Variants in GNAO1 observed in about 807,000 individuals in gnomAD.
The protein encoded by GNAO1 is G protein subunit alpha o1.
For synonymous variants in GNAO1, 164 were observed against 180.7 expected, an observed-to-expected ratio of 0.91 and a Z score of 0.74; for missense variants, 166 against 478.7, an observed-to-expected ratio of 0.35 and a Z score of 6.10.
intron 6 of GNAO1, among the ~76,000 whole-genome samples, chr16:56,338,048 T>C (rs1400311835): frequency 6.6e-6 from 1 of 152,214 alleles, no homozygotes; most frequent in Non-Finnish European, 1.5e-5. Context: ...TGGGTCTGTT[T>C]CCTCGTCATT....
chr16:56,347,836 G>T (rs1387032267), intron 6 of GNAO1: 2 of 978,094 alleles, frequency 2.0e-6, no homozygotes, highest in Non-Finnish European at 1.2e-6. Flanking sequence ...GCTCTGGGCA[G>T]CCAGGCCCTC....
At chr16:56,246,920 C>T (rs1250794457) in intron 2 of GNAO1, among the ~76,000 whole-genome samples, 3 of 152,216 alleles carry the variant, frequency 2.0e-5, no homozygotes, top group East Asian at 3.8e-4. Flanking sequence ...TATGTAATGC[C>T]TTGTACATGC....
intron 3 of GNAO1, among the ~76,000 whole-genome samples, chr16:56,306,648 T>G (rs749303193): frequency 1.3e-5 from 2 of 152,172 alleles, no homozygotes; most frequent in Non-Finnish European, 2.9e-5. Context: ...GGAAATGTCC[T>G]AGAGAAACTA....
intron 4 of GNAO1, 89 bp downstream of exon 4, chr16:56,328,880 G>T (rs2143647592): frequency 7.2e-7 from 1 of 1,384,946 alleles, no homozygotes. Context: ...GAGCAAGGAG[G>T]ATTCTCGGCT....
intron 2 of GNAO1, among the ~76,000 whole-genome samples, chr16:56,268,072 C>A (rs1424618655): frequency 6.6e-6 from 1 of 152,202 alleles, no homozygotes; most frequent in African/African-American, 2.4e-5. Flanking sequence ...AATGGAAAGG[C>A]CTCTGGGGGT....
chr16:56,282,111 C>CGG, intron 3 of GNAO1, among the ~76,000 whole-genome samples: 1 of 151,870 alleles, frequency 6.6e-6, no homozygotes, highest in South Asian at 2.1e-4. Flanking sequence ...GAGTGTAGAT[C>CGG]CTGTTCCTCT....
intron 2 of GNAO1, among the ~76,000 whole-genome samples, chr16:56,212,373 C>T (rs531430898): frequency 2.0e-5 from 3 of 152,312 alleles, no homozygotes; most frequent in East Asian, 1.9e-4. Flanking sequence ...CTCCTCCACC[C>T]GCAATGGTCC....
intron 3 of GNAO1, among the ~76,000 whole-genome samples, chr16:56,297,524 TG>T (rs1486458758): frequency 8.3e-5 from 2 of 24,194 alleles, no homozygotes; most frequent in Non-Finnish European, 1.8e-4. Flanking sequence ...GTCTAACTGG[TG>T]TGTGTGTGTG....
intron 2 of GNAO1, among the ~76,000 whole-genome samples, chr16:56,199,487 A>G (rs2143295767): frequency 6.6e-6 from 1 of 152,326 alleles, no homozygotes; most frequent in South Asian, 2.1e-4. Context: ...ATGGCTGCAT[A>G]TGAAGAAACT....
rs2036829043 is a variant in GNAO1, at chr16:56,254,569, A to G, written c.162-21362A>G. 2.0e-5 allele frequency among the ~76,000 whole-genome samples: 3 copies of G among 152,018 alleles called. 1 individual carries two copies. The Middle Eastern group carries it at 0.01, about 517-fold the overall frequency. On this transcript the variant is annotated intron_variant, in intron 2 of 8. Transcript: ENST00000262493. ...AACATTTCTGTATACCTTTATTTTA[A>G]TCAGTTTTCTTATAAACAGCATGCA... is the stretch of plus-strand genomic sequence containing the variant.
In GNAO1 at chr16:56,278,453, G is replaced by A. The variant is rs560463934; in HGVS notation, c.303+2381G>A. On this transcript the variant is annotated intron_variant, in intron 3 of 8. Coordinates refer to ENST00000262493, the MANE Select transcript of GNAO1 (RefSeq NM_020988.3). The stretch of plus-strand genomic sequence containing the variant: ...CCAGACAACTGGAAAAGGCGTTCCC[G>A]GGAGTGGGCTGGTGTGGATTCGCAG... 1.1e-4 allele frequency among the ~76,000 whole-genome samples: 17 copies of A among 152,306 alleles called. No homozygotes were observed. The Middle Eastern group carries it at 0.01, about 91-fold the overall frequency.
intron 2 of GNAO1, among the ~76,000 whole-genome samples, chr16:56,205,334 C>T (rs1567437352): frequency 1.3e-5 from 2 of 152,202 alleles, no homozygotes; most frequent in Non-Finnish European, 2.9e-5. Flanking sequence ...TCTGAGCTGG[C>T]TGTGTGCAGG....
At chr16:56,341,889 G>C (rs537753046) in intron 6 of GNAO1, among the ~76,000 whole-genome samples, 6 of 152,322 alleles carry the variant, frequency 3.9e-5, no homozygotes, top group East Asian at 1.9e-4. Context: ...CCCTCAGCCC[G>C]ACCTGCCCTG....
In GNAO1 at chr16:56,326,455, A is replaced by C. The variant is rs1303533692; in HGVS notation, c.304-2176A>C. Among the ~76,000 whole-genome samples the C allele has an allele frequency of 1.3e-5, 2 of 152,208 alleles. No individual in the cohort carries two copies. The highest frequency in any genetic ancestry group is 3.9e-4 in the East Asian group (2 of 5,190). On this transcript the variant is annotated intron_variant, in intron 3 of 8. Coordinates refer to ENST00000262493, the MANE Select transcript of GNAO1 (RefSeq NM_020988.3). This position sits in a 1 kb window ranked among gnomAD's most constrained non-coding sequence, Gnocchi z 4.8. ...GAGGTTTAGGTTCCTTTAGAAGCTT[A>C]TCTGAGAAAAGGATTTGGGTGAGAC...
At chr16:56,219,893 T>C (rs926558656) in intron 2 of GNAO1, among the ~76,000 whole-genome samples, 2 of 152,140 alleles carry the variant, frequency 1.3e-5, no homozygotes, top group Non-Finnish European at 2.9e-5. Context: ...GGTTCTGGAC[T>C]CTCTAAAGTC....
At chr16:56,347,654 C>T in intron 6 of GNAO1, 1 of 985,892 alleles carries the variant, frequency 1.0e-6, no homozygotes, top group Non-Finnish European at 1.2e-6. Context: ...CTCTCATCCC[C>T]AGGCCCAGTG....
chr16:56,239,289 A>G (rs1390427398), intron 2 of GNAO1, among the ~76,000 whole-genome samples: 1 of 152,266 alleles, frequency 6.6e-6, no homozygotes, highest in Non-Finnish European at 1.5e-5. Context: ...CATGAAAACC[A>G]TGCAAAGTTG....
At chr16:56,233,376 G>A (rs1009058640) in intron 2 of GNAO1, among the ~76,000 whole-genome samples, 8 of 152,182 alleles carry the variant, frequency 5.3e-5, no homozygotes, top group Non-Finnish European at 1.2e-4. Context: ...AAAATGAATG[G>A]AAGGTCTTCT....
intron 2 of GNAO1, among the ~76,000 whole-genome samples, chr16:56,249,843 G>A (rs2036783605): frequency 6.6e-6 from 1 of 152,160 alleles, no homozygotes; most frequent in African/African-American, 2.4e-5. Flanking sequence ...AGCCCTGCTG[G>A]GAGACTGGCC....
Sources: gnomAD v4.1 joint callset for allele counts (sites outside exome capture counted in the v4.1 genomes callset) on GRCh38, gnomAD v4.1.1 for gene constraint, Gnocchi (gnomAD v3.1) non-coding constraint, MANE v1.5 for transcripts, NCBI Gene and HGNC (gene_info 2026-07-23, HGNC 2026-07-21) for gene names.